The following HCK variants were observed in gnomAD, a reference collection of about 807,000 sequenced individuals.
HCK encodes tyrosine-protein kinase HCK.
In HCK, 40 loss-of-function variants were observed where a neutral mutation model predicts 70.4. The ratio of observed to expected loss-of-function variants is 0.57; its 90% confidence interval spans 0.44 to 0.74. The LOEUF (loss-of-function observed/expected upper bound fraction) is 0.74. Ranked by LOEUF, HCK falls within the 30% of genes least tolerant of loss-of-function variation. The pLI is 0.00. For synonymous variants in HCK, 245 were observed against 263.2 expected (o/e 0.93, Z 0.67); for missense variants, 568 against 697.2 (o/e 0.81, Z 2.09).
chr20:32,098,040 A>G (rs1156631049), intron 11 of HCK, among the ~76,000 whole-genome samples: 3 of 150,900 alleles, frequency 2.0e-5, no homozygotes, highest in Non-Finnish European at 2.9e-5. Flanking sequence ...TTTATATTTT[A>G]TTTTATTTTA....
intron 8 of HCK, among the ~76,000 whole-genome samples, chr20:32,085,760 T>C (rs2045776296): frequency 6.6e-6 from 1 of 152,038 alleles, no homozygotes; most frequent in Non-Finnish European, 1.5e-5. Flanking sequence ...GGGAACAGCA[T>C]GTGCCAAATC....
intron 10 of HCK, among the ~76,000 whole-genome samples, chr20:32,090,194 A>G (rs2045845469): frequency 6.6e-6 from 1 of 152,254 alleles, no homozygotes; most frequent in East Asian, 1.9e-4. Flanking sequence ...AAACTAGCAG[A>G]AGCCCTGCTG....
rs752380921 is a variant in HCK at position 32,084,461 on chromosome 20, G to A, written c.753G>A (p.Glu251=). The A allele has an allele frequency of 6.2e-7, 1 of 1,614,192 alleles. No individual in the cohort carries two copies. The highest frequency in any genetic ancestry group is 8.5e-7 in the Non-Finnish European group (1 of 1,180,030). ...CTTCCAAGCCCCAGAAGCCTTGGGA[G>A]AAAGATGCCTGGGAGATCCCTCGGG... is the stretch of plus-strand genomic sequence containing the variant. The change falls in exon 8 of 13, where the codon GAG becomes GAA. Residue 251 remains glutamate (E), a synonymous_variant. Coordinates refer to ENST00000375852, the MANE Select transcript of HCK (RefSeq NM_002110.5).
intron 1 of HCK, among the ~76,000 whole-genome samples, chr20:32,063,461 C>A (rs932919993): frequency 3.3e-5 from 5 of 151,916 alleles, no homozygotes; most frequent in African/African-American, 9.7e-5. Flanking sequence ...TTGTCAGGAC[C>A]AGCCTTGTAC....
chr20:32,055,404 C>T (rs2045255355), intron 1 of HCK, among the ~76,000 whole-genome samples: 2 of 152,168 alleles, frequency 1.3e-5, no homozygotes, highest in Non-Finnish European at 2.9e-5. Flanking sequence ...GGAACAATAA[C>T]CAATATTTTC....
rs71336559 is a variant in HCK, at chr20:32,099,350, C to CTTTTTTTTTTTTTTTTTTTTT, written c.1378+220_1378+240dup. On this transcript the variant is annotated intron_variant, in intron 12 of 12. Coordinates refer to ENST00000375852, the MANE Select transcript of HCK (RefSeq NM_002110.5). ...CCTTCCTTCTCTCTCACTCCTATGA[C>CTTTTTTTTTTTTTTTTTTTTT]TTTTTTTTTTTTTTTTTTTTTTTTT... is the stretch of plus-strand genomic sequence containing the variant. Among the ~76,000 whole-genome samples, 10 of 85,172 alleles carry CTTTTTTTTTTTTTTTTTTTTT rather than the reference C, an allele frequency of 1.2e-4. 1 individual carries two copies. The highest frequency in any genetic ancestry group is 6.4e-4 in the African/African-American group (10 of 15,518). 55.9% of individuals were successfully genotyped at this position (85,172 alleles called of 152,430 possible). A position where few individuals can be genotyped will look rare whatever the true frequency, so the allele number is the denominator to read the frequency against.
intron 1 of HCK, among the ~76,000 whole-genome samples, chr20:32,065,193 C>G (rs1002895786): frequency 1.3e-5 from 2 of 152,198 alleles, no homozygotes; most frequent in Non-Finnish European, 2.9e-5. Flanking sequence ...CCAAGTTCAG[C>G]CTTCATTCTG....
chr20:32,072,986 G>A (rs2045564968), intron 2 of HCK, among the ~76,000 whole-genome samples: 1 of 152,100 alleles, frequency 6.6e-6, no homozygotes. Context: ...TGTAATCCCA[G>A]CTACTTGGGA....
At chr20:32,088,795 T>C (rs2045825508) in intron 10 of HCK, 151 bp downstream of exon 10, 4 of 615,958 alleles carry the variant, frequency 6.5e-6, no homozygotes, top group African/African-American at 1.9e-5. Flanking sequence ...TTTTTGCATA[T>C]ATTTTATTAT....
rs60044994 is a variant in HCK at position 32,066,331 on chromosome 20, T to TTTTTTTTTTTTTGA, written c.63-5331_63-5330insTTTTTTTTTTTTGA. Among the ~76,000 whole-genome samples, 43 of 81,910 alleles carry TTTTTTTTTTTTTGA rather than the reference T, an allele frequency of 5.2e-4. 14 individuals carry two copies. The highest frequency in any genetic ancestry group is 2.8e-3 in the East Asian group (5 of 1,816). The allele number at this position is 81,910 out of a possible 152,430, so 53.7% of individuals were successfully genotyped here. ...TTTTTTTTTTTTTTTTTTTTTTTTTTGACAGAGTCTTGCTCTGTTTCCCAG... is the reference window on the plus strand; with the variant it reads ...TTTTTTTTTTTTTTTTTTTTTTTTTTTTTTTTTTTTTTGAGACAGAGTCTTGCTCTGTTTCCCAG... On this transcript the variant is annotated intron_variant, in intron 1 of 12. Transcript: ENST00000375852.
chr20:32,074,660 C>T lies in HCK; in HGVS notation c.367C>T (p.Arg123Trp), dbSNP rs746368765. 1.5e-5 allele frequency: 25 copies of T among 1,613,874 alleles called. No individual in the cohort carries two copies. Among genetic ancestry groups the T allele is most frequent in the Admixed American group, 3.3e-5 (2 of 59,988 alleles). The change falls in exon 5 of 13, where the codon CGG (arginine) becomes TGG (tryptophan). Residue 123 changes from arginine (R) to tryptophan (W), a missense_variant. This residue lies in a region of HCK where 318 missense variants were observed against 336.0 expected (regional missense o/e 0.95). Coordinates refer to ENST00000375852, the MANE Select transcript of HCK (RefSeq NM_002110.5). ...GTGGAAGGCTCGATCCCTGGCCACC[C>T]GGAAGGAGGGCTACATCCCAAGCAA...
intron 1 of HCK, 116 bp from the exon 2 acceptor site, chr20:32,071,546 C>T (rs1035948166): frequency 4.0e-5 from 53 of 1,325,814 alleles, no homozygotes; most frequent in Non-Finnish European, 4.8e-5. Context: ...GAGTTAAGAC[C>T]GGGAAGGCCA....
chr20:32,085,482 C>A (rs1568996687), intron 8 of HCK, among the ~76,000 whole-genome samples: 1 of 151,816 alleles, frequency 6.6e-6, no homozygotes, highest in Non-Finnish European at 1.5e-5. Context: ...CCACTGCACT[C>A]CAGCCTGGGA....
chr20:32,072,133 G>A (rs2045549760), intron 2 of HCK: 2 of 255,712 alleles, frequency 7.8e-6, no homozygotes, highest in Middle Eastern at 1.3e-3. Context: ...TGTAATGGTA[G>A]TATCAGCAGC....
At chr20:32,100,145 C>T (rs748744998) in intron 12 of HCK, among the ~76,000 whole-genome samples, 10 of 152,154 alleles carry the variant, frequency 6.6e-5, no homozygotes, top group East Asian at 3.9e-4. Context: ...CAGGCTCAAA[C>T]GATCCTCCAG....
intron 1 of HCK, among the ~76,000 whole-genome samples, chr20:32,056,235 C>T (rs1387983279): frequency 1.3e-5 from 2 of 152,128 alleles, no homozygotes; most frequent in Non-Finnish European, 1.5e-5. Flanking sequence ...TCTCTGTGGC[C>T]GGGTGCGGTG....
At chr20:32,087,149 G>C (rs923436316) in intron 9 of HCK, among the ~76,000 whole-genome samples, 7 of 152,172 alleles carry the variant, frequency 4.6e-5, no homozygotes, top group African/African-American at 4.8e-5. Flanking sequence ...CCACTCTCCC[G>C]CATCAGCCAC....
intron 12 of HCK, 130 bp from the exon 13 acceptor site, chr20:32,101,187 C>A: frequency 1.3e-6 from 1 of 778,588 alleles, no homozygotes; most frequent in Non-Finnish European, 2.1e-6. Context: ...GTCTGTCTTT[C>A]ACAGTGGAAG....
chr20:32,079,969 G>A (rs2045686660), intron 6 of HCK, 92 bp downstream of exon 6: 1 of 1,008,222 alleles, frequency 9.9e-7, no homozygotes, highest in Non-Finnish European at 1.5e-6. Flanking sequence ...CCCTGGGAAA[G>A]GCTGAAAAAC....
Sources: gnomAD v4.1 joint callset for allele counts (sites outside exome capture counted in the v4.1 genomes callset) on GRCh38, gnomAD v4.1.1 for gene constraint, gnomAD v4.1.1 regional missense constraint, MANE v1.5 for transcripts, NCBI Gene and HGNC (gene_info 2026-07-23, HGNC 2026-07-21) for gene names.